Variants in HELZ observed in about 807,000 individuals in gnomAD.
HELZ encodes helicase with zinc finger.
In HELZ, 23 loss-of-function variants were observed where a neutral mutation model predicts 218.2. That is an observed-to-expected ratio of 0.11 (90% confidence interval 0.08 to 0.15). The LOEUF (loss-of-function observed/expected upper bound fraction) is 0.15, where lower values mean the gene tolerates loss of function less well. Among genes scored for constraint, HELZ ranks in the 10% least tolerant of loss-of-function variants. HELZ has a pLI of 1.00. For missense variants in HELZ, 1,813 were observed against 2,353.7 expected, an observed-to-expected ratio of 0.77 and a Z score of 4.75; for synonymous variants, 814 against 829.4, an observed-to-expected ratio of 0.98 and a Z score of 0.32.
chr17:67,126,759 G>C (rs2143867919), intron 24 of HELZ, among the ~76,000 whole-genome samples: 1 of 152,236 alleles, frequency 6.6e-6, no homozygotes, highest in African/African-American at 2.4e-5. Flanking sequence ...TAGTTGGGAG[G>C]CTGAGGCAGA....
intron 13 of HELZ, among the ~76,000 whole-genome samples, chr17:67,172,197 C>T (rs955422414): frequency 1.3e-5 from 2 of 152,168 alleles, no homozygotes; most frequent in Admixed American, 6.5e-5. Context: ...ATTCCATCTG[C>T]TTGAGAAAGC....
At chr17:67,154,964 T>A (rs879327018) in intron 17 of HELZ, among the ~76,000 whole-genome samples, 1 of 152,154 alleles carries the variant, frequency 6.6e-6, no homozygotes, top group Non-Finnish European at 1.5e-5. Flanking sequence ...AAGCAAATAC[T>A]AAAGAAAAAC....
At chr17:67,235,619 G>A (rs1211830693) in intron 3 of HELZ, among the ~76,000 whole-genome samples, 1 of 152,042 alleles carries the variant, frequency 6.6e-6, no homozygotes, top group Non-Finnish European at 1.5e-5. Context: ...GAACCACTCA[G>A]AGGAGCAGTG....
At chr17:67,242,455 T>C (rs1182336652) in intron 2 of HELZ, among the ~76,000 whole-genome samples, 1 of 150,360 alleles carries the variant, frequency 6.7e-6, no homozygotes, top group Admixed American at 6.7e-5. Context: ...TCTATATACA[T>C]AGATACACAC....
chr17:67,215,814 C>T, intron 5 of HELZ, 85 bp downstream of exon 5: 3 of 895,216 alleles, frequency 3.4e-6, no homozygotes, highest in Non-Finnish European at 5.4e-6. Flanking sequence ...CAAACATTAT[C>T]ATCATTTTTG....
chr17:67,091,099 G>A (rs944045025), intron 31 of HELZ, among the ~76,000 whole-genome samples: 3 of 151,838 alleles, frequency 2.0e-5, no homozygotes, highest in African/African-American at 4.8e-5. Context: ...CACAAATTAG[G>A]ACAGGCTATA....
chr17:67,092,915 C>A (rs532651727), intron 31 of HELZ, among the ~76,000 whole-genome samples: 2 of 151,426 alleles, frequency 1.3e-5, no homozygotes, highest in East Asian at 3.9e-4. Flanking sequence ...TTGCAGTGAG[C>A]CAAGATTGTG....
intron 14 of HELZ, among the ~76,000 whole-genome samples, chr17:67,166,845 T>C (rs994538185): frequency 2.0e-5 from 3 of 152,190 alleles, no homozygotes; most frequent in Non-Finnish European, 4.4e-5. Context: ...CAATGATATA[T>C]ATATACTATT....
intron 15 of HELZ, 141 bp downstream of exon 15, chr17:67,166,337 T>A (rs539711543): frequency 1.7e-6 from 1 of 576,316 alleles, no homozygotes; most frequent in Non-Finnish European, 3.0e-6. Flanking sequence ...TTTTAAGTGT[T>A]CTTTTACTCT....
chr17:67,186,178 C>T (rs2039749317), intron 12 of HELZ, among the ~76,000 whole-genome samples: 2 of 151,902 alleles, frequency 1.3e-5, no homozygotes, highest in African/African-American at 2.4e-5. Context: ...AAACCCAACT[C>T]TTCTCTTTTC....
At chr17:67,210,419 T>A (rs1050742900) in intron 5 of HELZ, among the ~76,000 whole-genome samples, 1 of 152,222 alleles carries the variant, frequency 6.6e-6, no homozygotes, top group African/African-American at 2.4e-5. Flanking sequence ...CATCAGTAGA[T>A]GACCCAAGCC....
chr17:67,205,182 C>T (rs1381343609), intron 5 of HELZ, among the ~76,000 whole-genome samples: 1 of 151,786 alleles, frequency 6.6e-6, no homozygotes, highest in East Asian at 1.9e-4. Flanking sequence ...CAAAAATTAG[C>T]GGGCATGGTG....
intron 13 of HELZ, chr17:67,172,857 G>A (rs1463635856): frequency 6.3e-6 from 1 of 159,958 alleles, no homozygotes; most frequent in Non-Finnish European, 1.3e-5. Flanking sequence ...CTGCCCACCT[G>A]GGCCTCCCGA....
intron 7 of HELZ, among the ~76,000 whole-genome samples, chr17:67,200,243 G>A (rs1285461591): frequency 3.9e-5 from 6 of 152,178 alleles, no homozygotes; most frequent in Non-Finnish European, 8.8e-5. Context: ...ATGCCTATAT[G>A]AAGAAGAAAA....
intron 32 of HELZ, among the ~76,000 whole-genome samples, chr17:67,084,497 C>T (rs2036295033): frequency 6.6e-6 from 1 of 151,536 alleles, no homozygotes; most frequent in Non-Finnish European, 1.5e-5. Context: ...CCCGTCTCTA[C>T]TAAAAAACAC....
At chr17:67,142,372 T>C (rs759080818) in intron 21 of HELZ, among the ~76,000 whole-genome samples, 1 of 152,034 alleles carries the variant, frequency 6.6e-6, no homozygotes, top group Non-Finnish European at 1.5e-5. Context: ...CTGGGCATTG[T>C]GGCATGCATC....
At chr17:67,213,794 C>T (rs1463891477) in intron 5 of HELZ, among the ~76,000 whole-genome samples, 4 of 151,994 alleles carry the variant, frequency 2.6e-5, no homozygotes, top group East Asian at 1.9e-4. Context: ...CCCATCAATA[C>T]GGGAATGGTT....
chr17:67,159,202 T>C (rs1426275951), intron 17 of HELZ, among the ~76,000 whole-genome samples: 1 of 152,226 alleles, frequency 6.6e-6, no homozygotes, highest in African/African-American at 2.4e-5. Context: ...TTTACAGTGA[T>C]AGTGATTGTA....
intron 17 of HELZ, among the ~76,000 whole-genome samples, chr17:67,153,216 T>C (rs1336341698): frequency 2.0e-5 from 3 of 152,064 alleles, no homozygotes; most frequent in Non-Finnish European, 4.4e-5. Context: ...CACAATAGTA[T>C]ATTTTCATGC....
Sources: gnomAD v4.1 joint callset for allele counts (sites outside exome capture counted in the v4.1 genomes callset) on GRCh38, gnomAD v4.1.1 for gene constraint, MANE v1.5 for transcripts, NCBI Gene and HGNC (gene_info 2026-07-23, HGNC 2026-07-21) for gene names.